DOCK1: variants seen among roughly 807,000 people sequenced by gnomAD.
The protein encoded by DOCK1 is dedicator of cytokinesis protein 1.
In DOCK1, 138 loss-of-function variants were observed where a neutral mutation model predicts 262.7. The observed-to-expected ratio is 0.53, with a 90% confidence interval of 0.46 to 0.61. The LOEUF (loss-of-function observed/expected upper bound fraction) is 0.61. Among genes scored for constraint, DOCK1 ranks in the 20% least tolerant of loss-of-function variants. The pLI is 0.00. For missense variants in DOCK1, 1,908 were observed against 2,370.7 expected (o/e 0.80, Z 4.05); for synonymous variants, 866 against 867.4 (o/e 1.00, Z 0.03).
intron 27 of DOCK1, among the ~76,000 whole-genome samples, chr10:127,145,144 G>A (rs1202347968): frequency 3.3e-5 from 5 of 152,064 alleles, no homozygotes; most frequent in African/African-American, 4.8e-5. Context: ...GTGCACCTGC[G>A]GCTCTGGGTC....
intron 2 of DOCK1, among the ~76,000 whole-genome samples, chr10:126,972,180 T>C (rs886551029): frequency 2.0e-5 from 3 of 152,188 alleles, no homozygotes; most frequent in African/African-American, 7.2e-5. Context: ...CCTCCCAAAG[T>C]GCTAGGATTA....
At chr10:127,137,738 G>A (rs963936367) in intron 27 of DOCK1, 2 of 1,144,328 alleles carry the variant, frequency 1.7e-6, no homozygotes, top group African/African-American at 3.1e-5. Context: ...TGCCTGAATG[G>A]GCACCACAGT....
chr10:127,202,217 G>A (rs1262645019), intron 27 of DOCK1, among the ~76,000 whole-genome samples: 1 of 152,076 alleles, frequency 6.6e-6, no homozygotes, highest in African/African-American at 2.4e-5. Flanking sequence ...CAGCTAGTCG[G>A]TAAGCTGAGG....
chr10:127,224,070 G>C (rs2058544237), intron 27 of DOCK1, among the ~76,000 whole-genome samples: 1 of 152,104 alleles, frequency 6.6e-6, no homozygotes, highest in South Asian at 2.1e-4. Context: ...ATATTTTCTT[G>C]GGTTTTGTTT....
intron 10 of DOCK1, among the ~76,000 whole-genome samples, chr10:127,004,784 C>CCCCCCCCCA (rs1554970531): frequency 4.1e-5 from 4 of 98,480 alleles, no homozygotes; most frequent in Non-Finnish European, 6.7e-5. Context: ...CCCCCCGCCC[C>CCCCCCCCCA]AAAAAAAAGA....
rs1280040249 is a variant in DOCK1, at chr10:126,996,536, T to G, written c.474-212T>G. On this transcript the variant is annotated intron_variant, in intron 6 of 51. Coordinates refer to ENST00000623213, the MANE Select transcript of DOCK1 (RefSeq NM_001290223.2). ...TTGCAATGGAAATAAAAATTGAGGA[T>G]TTTTTTTTTTTTTTTTTTTTTTACT... 1.9e-4 allele frequency among the ~76,000 whole-genome samples: 3 copies of G among 15,896 alleles called. No homozygotes were observed. The East Asian group carries it at 0.015, about 82-fold the overall frequency. 10.4% of individuals were successfully genotyped at this position (15,896 alleles called of 152,430 possible). A position where few individuals can be genotyped will look rare whatever the true frequency, so the allele number is the denominator to read the frequency against.
intron 27 of DOCK1, among the ~76,000 whole-genome samples, chr10:127,227,716 C>T (rs1688749874): frequency 6.6e-6 from 1 of 152,238 alleles, no homozygotes. Flanking sequence ...TGCAACTTTT[C>T]CCTACAGCCC....
At chr10:127,064,808 A>G (rs1255644845) in intron 23 of DOCK1, among the ~76,000 whole-genome samples, 1 of 152,210 alleles carries the variant, frequency 6.6e-6, no homozygotes, top group Non-Finnish European at 1.5e-5. Context: ...CATTAAGTAC[A>G]GTCACACTGT....
At chr10:127,251,081 G>T (rs909934474) in intron 28 of DOCK1, among the ~76,000 whole-genome samples, 6 of 151,794 alleles carry the variant, frequency 4.0e-5, no homozygotes, top group African/African-American at 7.3e-5. Context: ...TCCTGCTTCA[G>T]CCTCCCGAGT....
At chr10:127,108,800 T>C (rs1389544948) in intron 24 of DOCK1, among the ~76,000 whole-genome samples, 1 of 152,198 alleles carries the variant, frequency 6.6e-6, no homozygotes, top group Non-Finnish European at 1.5e-5. Context: ...ACAAAGCACT[T>C]GTATTAGTCC....
intron 29 of DOCK1, among the ~76,000 whole-genome samples, chr10:127,302,835 A>G (rs1185348430): frequency 2.0e-5 from 3 of 151,872 alleles, no homozygotes; most frequent in Non-Finnish European, 4.4e-5. Flanking sequence ...GGGTGAGAAC[A>G]GAGAACAGCA....
At chr10:127,114,696 G>A (rs1293324624) in intron 25 of DOCK1, among the ~76,000 whole-genome samples, 1 of 151,710 alleles carries the variant, frequency 6.6e-6, no homozygotes, top group Non-Finnish European at 1.5e-5. Flanking sequence ...AGAGAGTAAT[G>A]CATGCCAGTG....
chr10:127,163,025 C>T (rs563208584), intron 27 of DOCK1, among the ~76,000 whole-genome samples: 66 of 152,180 alleles, frequency 4.3e-4, no homozygotes, highest in Admixed American at 7.9e-4. Flanking sequence ...GGTCCGGGCC[C>T]GGCTTCTCTC....
Position 127,446,269 on chromosome 10 carries a change from A to G in DOCK1, c.5414-1125A>G, listed in dbSNP as rs1009399803. Among the ~76,000 whole-genome samples the G allele has an allele frequency of 1.3e-5, 2 of 151,812 alleles. No homozygotes were observed. The highest frequency in any genetic ancestry group is 4.8e-5 in the African/African-American group (2 of 41,340). On this transcript the variant is annotated intron_variant, in intron 50 of 51. Transcript: ENST00000623213. This position sits in a 1 kb window ranked among gnomAD's most constrained non-coding sequence, Gnocchi z 4.4. ...CATCCCAAACAAAAAGAAAAGAAAA[A>G]AAAAAAGAAAGTAGAATAGAGGATA...
chr10:127,284,808 T>A (rs1411424646), intron 29 of DOCK1, among the ~76,000 whole-genome samples: 1 of 152,154 alleles, frequency 6.6e-6, no homozygotes, highest in Admixed American at 6.5e-5. Flanking sequence ...CCACATTGTT[T>A]TAATTACCAT....
chr10:127,436,887 C>G (rs866608847), intron 48 of DOCK1, among the ~76,000 whole-genome samples: 2 of 151,966 alleles, frequency 1.3e-5, no homozygotes, highest in South Asian at 2.1e-4. Context: ...AGGTTCCCAC[C>G]TTGTACCTTG....
At chr10:127,420,841 C>CAA (rs375607791) in intron 46 of DOCK1, among the ~76,000 whole-genome samples, 1 of 143,744 alleles carries the variant, frequency 7.0e-6, no homozygotes, top group African/African-American at 2.5e-5. Flanking sequence ...GTCTAAAAAA[C>CAA]AAAAAAAAAA....
chr10:127,004,139 A>G (rs1487436741), intron 10 of DOCK1, among the ~76,000 whole-genome samples: 2 of 151,944 alleles, frequency 1.3e-5, no homozygotes, highest in Non-Finnish European at 2.9e-5. Context: ...CTGTAATCCC[A>G]GCTACTCAGG....
intron 23 of DOCK1, among the ~76,000 whole-genome samples, chr10:127,104,810 CT>C (rs1437866533): frequency 2.0e-5 from 3 of 152,200 alleles, no homozygotes. Flanking sequence ...CAGGGTCTGA[CT>C]TTCCCCCGAC....
Sources: allele counts gnomAD v4.1 joint callset (sites outside exome capture counted in the v4.1 genomes callset), GRCh38; gene constraint gnomAD v4.1.1; non-coding constraint Gnocchi (gnomAD v3.1); transcripts MANE v1.5; gene names NCBI Gene and HGNC (gene_info 2026-07-23, HGNC 2026-07-21).